FREM1: variants seen among roughly 807,000 people sequenced by gnomAD.
FREM1 encodes the protein FRAS1-related extracellular matrix protein 1.
FREM1 carries 220 observed loss-of-function variants against 210.1 expected under a neutral mutation model. The observed-to-expected ratio is 1.05, with a 90% CI of 0.94 to 1.17. The LOEUF is 1.17. Ranked by LOEUF, FREM1 falls within the 50% of genes most tolerant of loss-of-function variation. The pLI, the probability that FREM1 is intolerant of heterozygous loss-of-function variation, is 0.00. For missense variants in FREM1, 3,454 were observed against 2,675.5 expected, an observed-to-expected ratio of 1.29 and a Z score of -6.42; for synonymous variants, 1,189 against 980.2, an observed-to-expected ratio of 1.21 and a Z score of -3.98.
At chr9:14,777,209 C>T (rs150971047) in intron 24 of FREM1, among the ~76,000 whole-genome samples, 1 of 152,180 alleles carries the variant, frequency 6.6e-6, no homozygotes, top group African/African-American at 2.4e-5. Context: ...TTTGTGATAT[C>T]TTAATGTGCT....
rs912734573 is a variant in FREM1 at position 14,824,766 on chromosome 9, T to C, written c.2078+30A>G. 9.8e-6 allele frequency: 15 copies of C among 1,529,106 alleles called. No individual in the cohort carries two copies. In the Admixed American group the frequency reaches 2.7e-4, roughly 27 times the overall value. 94.7% of individuals were successfully genotyped at this position (1,529,106 alleles called of 1,614,324 possible). A position where few individuals can be genotyped will look rare whatever the true frequency, so the allele number is the denominator to read the frequency against. On this transcript the variant is annotated intron_variant, in intron 11 of 36. Coordinates refer to ENST00000380880, the MANE Select transcript of FREM1 (RefSeq NM_001379081.2). Reference sequence around the variant, plus strand: ...ACTTTCAACTTTGCAATCCTAGAACTAGTAGCCCAAATGGTGACTTTTCAG... The same window carrying C: ...ACTTTCAACTTTGCAATCCTAGAACCAGTAGCCCAAATGGTGACTTTTCAG...
At chr9:14,757,622 G>T (rs956253389) in intron 28 of FREM1, among the ~76,000 whole-genome samples, 2 of 152,156 alleles carry the variant, frequency 1.3e-5, no homozygotes, top group Admixed American at 6.6e-5. Flanking sequence ...CCGTGTGCAA[G>T]CATTTCTGTT....
chr9:14,774,516 T>C (rs777053732), intron 25 of FREM1, among the ~76,000 whole-genome samples: 14 of 4,124 alleles, frequency 3.4e-3, no homozygotes, highest in Admixed American at 8.7e-3. Flanking sequence ...AATAAATCTC[T>C]CTCTCTCTCT....
Position 14,776,330 on chromosome 9 carries a change from G to C in FREM1, c.4443-127C>G, listed in dbSNP as rs979570770. The stretch of plus-strand genomic sequence containing the variant: ...TGTTGTGACTCAAATGAAAAATCAA[G>C]GGCAGATCTTGCAGAAAAATCCCTA... On this transcript the variant is annotated intron_variant, in intron 24 of 36. Coordinates refer to ENST00000380880, the MANE Select transcript of FREM1 (RefSeq NM_001379081.2). The C allele has an allele frequency of 3.6e-6, 4 of 1,115,632 alleles. No homozygotes were observed. The African/African-American group carries it at 6.2e-5, about 17-fold the overall frequency. 69.1% of individuals were successfully genotyped at this position (1,115,632 alleles called of 1,614,324 possible). A position where few individuals can be genotyped will look rare whatever the true frequency, so the allele number is the denominator to read the frequency against.
chr9:14,824,916 A>G lies in FREM1; in HGVS notation c.1958T>C (p.Val653Ala). The G allele has an allele frequency of 1.9e-6, 3 of 1,611,414 alleles. No homozygotes were observed. Among genetic ancestry groups the G allele is most frequent in the Non-Finnish European group, 2.5e-6 (3 of 1,179,142 alleles). The change falls in exon 11 of 37, where the codon GTC (valine) becomes GCC (alanine). Residue 653 changes from valine (V) to alanine (A), a missense_variant. Transcript: ENST00000380880. ...EAPGVSRHLVVKETEVAYITK... is the reference protein window; with the variant it reads ...EAPGVSRHLVAKETEVAYITK... Reference sequence around the variant, plus strand: ...TATATAGGCCACCTCAGTTTCCTTGACAACCAAATGCCGAGAAACTCCAGG... The same window carrying G: ...TATATAGGCCACCTCAGTTTCCTTGGCAACCAAATGCCGAGAAACTCCAGG...
At chr9:14,872,352 G>A (rs1284452949) in intron 1 of FREM1, among the ~76,000 whole-genome samples, 1 of 151,982 alleles carries the variant, frequency 6.6e-6, no homozygotes, top group Non-Finnish European at 1.5e-5. Context: ...ATTGAGCAGT[G>A]GTTTGTAGTT....
intron 1 of FREM1, among the ~76,000 whole-genome samples, chr9:14,902,054 C>T (rs1482549677): frequency 2.6e-5 from 4 of 151,344 alleles, no homozygotes. Flanking sequence ...CTATGTTTCT[C>T]AGGCTGGTCT....
chr9:14,822,456 C>T (rs2642408), intron 13 of FREM1, among the ~76,000 whole-genome samples: 1 of 151,926 alleles, frequency 6.6e-6, no homozygotes, highest in African/African-American at 2.4e-5. Flanking sequence ...TGTGTAGGCT[C>T]TGGTCCCTTC....
chr9:14,739,533 A>G (rs4412445), intron 36 of FREM1, among the ~76,000 whole-genome samples: 15,468 of 145,498 alleles, frequency 0.11, 1,035 homozygotes, highest in Non-Finnish European at 0.15. Flanking sequence ...CAATATGTAA[A>G]TATTATATAT....
intron 24 of FREM1, among the ~76,000 whole-genome samples, chr9:14,781,212 C>T (rs183090811): frequency 6.6e-6 from 1 of 152,244 alleles, no homozygotes; most frequent in Admixed American, 6.5e-5. Flanking sequence ...TTGCATCTCT[C>T]GCAAGGTGGT....
chr9:14,874,269 T>C lies in FREM1; in HGVS notation c.-267-5025A>G, dbSNP rs550210480. On this transcript the variant is annotated intron_variant, in intron 1 of 36. Coordinates refer to ENST00000380880, the MANE Select transcript of FREM1 (RefSeq NM_001379081.2). ...TCTGTCTAATGTTGACAGTGGGGTG[T>C]TAAAGTCTCCCATTATTATTGTGTG... Among the ~76,000 whole-genome samples the C allele has an allele frequency of 3.3e-5, 5 of 152,132 alleles. No homozygotes were observed. In the South Asian group the frequency reaches 1.0e-3, roughly 32 times the overall value.
chr9:14,810,190 G>A (rs190466803), intron 16 of FREM1, among the ~76,000 whole-genome samples: 9 of 152,202 alleles, frequency 5.9e-5, no homozygotes, highest in African/African-American at 2.2e-4. Context: ...GATCTGTAGG[G>A]AGAGGCAATG....
At chr9:14,859,984 A>C (rs1444269974) in intron 3 of FREM1, among the ~76,000 whole-genome samples, 1 of 152,166 alleles carries the variant, frequency 6.6e-6, no homozygotes, top group Non-Finnish European at 1.5e-5. Context: ...AGCAATTGCC[A>C]CTTCCATTCC....
chr9:14,775,115 C>A (rs1848323312), intron 25 of FREM1, among the ~76,000 whole-genome samples: 1 of 152,206 alleles, frequency 6.6e-6, no homozygotes, highest in Non-Finnish European at 1.5e-5. Context: ...GATACCTAAT[C>A]CTACTGAATT....
chr9:14,792,665 C>T (rs995384513), intron 22 of FREM1, 78 bp downstream of exon 22: 3 of 1,084,592 alleles, frequency 2.8e-6, no homozygotes, highest in Non-Finnish European at 1.3e-6. Flanking sequence ...GAATAAATCC[C>T]ATCATAGAAA....
chr9:14,888,228 A>C (rs1244495891), intron 1 of FREM1, among the ~76,000 whole-genome samples: 2 of 152,206 alleles, frequency 1.3e-5, no homozygotes, highest in Non-Finnish European at 1.5e-5. Context: ...AAAATGAGAC[A>C]TAAAGAGGTT....
At chr9:14,809,489 A>G (rs1219878388) in intron 16 of FREM1, among the ~76,000 whole-genome samples, 1 of 152,152 alleles carries the variant, frequency 6.6e-6, no homozygotes, top group African/African-American at 2.4e-5. Flanking sequence ...AAATCTAGAG[A>G]TTATATTATT....
At chr9:14,888,698 ACT>A (rs1377692012) in intron 1 of FREM1, among the ~76,000 whole-genome samples, 10 of 152,032 alleles carry the variant, frequency 6.6e-5, no homozygotes, top group African/African-American at 2.4e-4. Context: ...ATGTGTGTTG[ACT>A]CTGTCTATAA....
At chr9:14,771,532 G>A (rs1045531013) in intron 25 of FREM1, among the ~76,000 whole-genome samples, 2 of 152,134 alleles carry the variant, frequency 1.3e-5, no homozygotes, top group South Asian at 2.1e-4. Context: ...CAGTCTGTAC[G>A]GAGCTCAGTG....
Sources: gnomAD v4.1 joint callset for allele counts (sites outside exome capture counted in the v4.1 genomes callset) on GRCh38, gnomAD v4.1.1 for gene constraint, MANE v1.5 for transcripts, NCBI Gene and HGNC (gene_info 2026-07-23, HGNC 2026-07-21) for gene names.